TAF6: variants seen among roughly 807,000 people sequenced by gnomAD.
The protein encoded by TAF6 is transcription initiation factor TFIID subunit 6.
In TAF6, 50 loss-of-function variants were observed where a neutral mutation model predicts 73.5. The observed-to-expected ratio is 0.68, with a 90% CI of 0.54 to 0.86. TAF6 has a LOEUF of 0.86. Ranked by LOEUF, TAF6 falls within the 40% of genes least tolerant of loss-of-function variation. The pLI is 0.00. For missense variants in TAF6, 768 were observed against 899.5 expected (o/e 0.85, Z 1.87); for synonymous variants, 424 against 376.7 (o/e 1.13, Z -1.45).
At chr7:100,117,237 C>A (rs985005804) in intron 1 of TAF6, among the ~76,000 whole-genome samples, 1 of 151,186 alleles carries the variant, frequency 6.6e-6, no homozygotes, top group Non-Finnish European at 1.5e-5. Context: ...AGAGTGAGAC[C>A]CCGTCTCCGT....
At chr7:100,125,057 A>C in the TAF6 span, 1 of 671,454 alleles carries the variant, frequency 1.5e-6, no homozygotes, top group Non-Finnish European at 2.4e-6. Context: ...ACAGCATGAC[A>C]TGGCTTCTGG....
chr7:100,112,706 C>G (rs1415105750), intron 6 of TAF6, 92 bp downstream of exon 6: 2 of 1,480,508 alleles, frequency 1.4e-6, no homozygotes, highest in Non-Finnish European at 9.0e-7. Context: ...CAGAGTGAGA[C>G]TCTGTCTCAA....
chr7:100,109,873 A>G, intron 12 of TAF6, 75 bp downstream of exon 12: 2 of 1,578,672 alleles, frequency 1.3e-6, no homozygotes, highest in South Asian at 1.2e-5. Flanking sequence ...GAGTAAGTGA[A>G]TAAAATATGC....
rs4134902 is a variant in TAF6, at chr7:100,113,586, C to T, written c.397+30G>A. The T allele has an allele frequency of 4.6e-3, 7,331 of 1,610,614 alleles. 15 individuals are homozygous for T. Among genetic ancestry groups the T allele is most frequent in the Non-Finnish European group, 5.8e-3 (6,813 of 1,178,148 alleles). On this transcript the variant is annotated intron_variant, in intron 4 of 14. Coordinates refer to ENST00000453269, the MANE Select transcript of TAF6 (RefSeq NM_139315.3). The stretch of plus-strand genomic sequence containing the variant: ...ACACATCTGTCCTCCTTTCCCTCCT[C>T]CCTGCCACCCTGCTCTCCCCTCCCC...
upstream of TAF6, among the ~76,000 whole-genome samples, chr7:100,123,570 G>C (rs995608846): frequency 1.3e-5 from 2 of 151,840 alleles, no homozygotes; most frequent in Admixed American, 6.6e-5. Flanking sequence ...GCCCAGGCTG[G>C]AGTGCACCGG....
intron 10 of TAF6, 112 bp downstream of exon 10, chr7:100,111,026 AC>A: frequency 8.1e-7 from 1 of 1,231,158 alleles, no homozygotes; most frequent in Non-Finnish European, 1.1e-6. Context: ...AGACCCTTAG[AC>A]CCCCACAAGT....
At chr7:100,124,538 G>C, upstream of TAF6, 1 of 1,612,858 alleles carries the variant, frequency 6.2e-7, no homozygotes, top group Non-Finnish European at 8.5e-7. Flanking sequence ...GGAGGAGTTT[G>C]AAGACATTGT....
intron 1 of TAF6, chr7:100,116,775 C>T (rs1797710593): frequency 1.3e-5 from 2 of 152,250 alleles, no homozygotes; most frequent in Admixed American, 1.3e-4. Flanking sequence ...CACATACATT[C>T]CTTCTGGCTG....
At chr7:100,113,428 G>C (rs1432502939) in intron 4 of TAF6, 23 bp from the exon 5 acceptor site, 1 of 1,564,760 alleles carries the variant, frequency 6.4e-7, no homozygotes, top group African/African-American at 1.4e-5. Flanking sequence ...CAGGTGTCAA[G>C]GTGAATTGCC....
At position 100,108,168 on chromosome 7, in the gene TAF6, A is replaced by G. The variant is rs1384792500; in HGVS notation, c.1459-45T>C. 5.2e-6 allele frequency: 8 copies of G among 1,550,598 alleles called. No homozygotes were observed. The Admixed American group carries it at 1.4e-4, about 27-fold the overall frequency. The stretch of plus-strand genomic sequence containing the variant: ...GGGGGAAGTGGCACCATCTACTAAG[A>G]AGAGGAGTCTGAAGGGAGAGGCCTG... On this transcript the variant is annotated intron_variant, in intron 13 of 14. Transcript: ENST00000453269.
upstream of TAF6, chr7:100,124,807 GGAGGAAGAGGAGGAA>G: frequency 6.2e-7 from 1 of 1,609,878 alleles, no homozygotes; most frequent in Non-Finnish European, 8.5e-7. Flanking sequence ...AGGAGGAGGA[GGAGGAAGAGGAGGAA>G]GAGGAAGGGG....
Position 100,107,096 on chromosome 7 carries a change from T to G in TAF6, c.*150A>C. 7.6e-7 allele frequency: 1 copy of G among 1,312,540 alleles called. No homozygotes were observed. The highest frequency in any genetic ancestry group is 1.0e-6 in the Non-Finnish European group (1 of 972,904). 81.3% of individuals were successfully genotyped at this position (1,312,540 alleles called of 1,614,324 possible). On this transcript the variant is annotated 3_prime_UTR_variant, in exon 15 of 15. Transcript: ENST00000453269. ...CAGAACTTACAAACCAAACTTTTAT[T>G]CTGAGAAACTGGCTGTACAATATCT...
chr7:100,124,319 T>G, upstream of TAF6: 1 of 544,534 alleles, frequency 1.8e-6, no homozygotes, highest in Non-Finnish European at 3.3e-6. Context: ...GACTCAAGAG[T>G]TTAATAATCT....
At chr7:100,122,649 G>A (rs1398902072), upstream of TAF6, 3 of 1,515,928 alleles carry the variant, frequency 2.0e-6, no homozygotes, top group South Asian at 1.2e-5. Context: ...GCCCTCCAGA[G>A]GTTATCTGCC....
upstream of TAF6, chr7:100,119,858 C>G (rs143409974): frequency 1.9e-6 from 3 of 1,611,196 alleles, no homozygotes; most frequent in Non-Finnish European, 2.5e-6. Context: ...CCAGCAAATG[C>G]GAAGGTATTT....
At chr7:100,107,719 T>C (rs1796688014) in intron 14 of TAF6, 96 bp from the exon 15 acceptor site, 1 of 1,521,098 alleles carries the variant, frequency 6.6e-7, no homozygotes, top group Admixed American at 2.3e-5. Flanking sequence ...CCTGAACAAG[T>C]TGTTCCTGTA....
upstream of TAF6, chr7:100,119,884 T>C: frequency 1.3e-6 from 2 of 1,581,456 alleles, no homozygotes; most frequent in East Asian, 2.3e-5. Flanking sequence ...GGGTAGCCCC[T>C]ATAGGCATCG....
Position 100,113,728 on chromosome 7 carries a change from G to A in TAF6, c.285C>T (p.Arg95=). The change falls in exon 4 of 15, where the codon CGC becomes CGT. Residue 95 remains arginine (R), a synonymous_variant. Coordinates refer to ENST00000453269, the MANE Select transcript of TAF6 (RefSeq NM_139315.3). ...GCTCCCGGCCCCCACCAGAGGCGAA[G>A]CGGAAAGGAATGAACTCCTGGGCGT... ...GFHAQEFIPF[R]FASGGGRELY... The A allele has an allele frequency of 6.2e-7, 1 of 1,614,080 alleles. No homozygotes were observed. The highest frequency in any genetic ancestry group is 8.5e-7 in the Non-Finnish European group (1 of 1,180,010).
In TAF6 at chr7:100,109,991, T is replaced by G; in HGVS notation, c.1241A>C (p.Asn414Thr). 6.2e-7 allele frequency: 1 copy of G among 1,614,204 alleles called. No homozygotes were observed. Among genetic ancestry groups the G allele is most frequent in the Non-Finnish European group, 8.5e-7 (1 of 1,180,030 alleles). Residue 414 changes from asparagine (N) to threonine (T), a missense_variant, in exon 12 of 15, where the codon AAC becomes ACC. Physicochemically the swap from Asn to Thr is moderately conservative, Grantham distance 65. This residue lies in a region of TAF6 where 350 missense variants were observed against 352.3 expected (regional missense o/e 0.99). Coordinates refer to ENST00000453269, the MANE Select transcript of TAF6 (RefSeq NM_139315.3). ...ATGGTCTGCTCCAATCCGGTCAATG[T>G]TGCTCAGCACAGGGCCGTCCAGCAC... ...RSVLDGPVLS[N>T]IDRIGADHVQ...
Sources: gnomAD v4.1 joint callset for allele counts (sites outside exome capture counted in the v4.1 genomes callset) on GRCh38, gnomAD v4.1.1 for gene constraint, gnomAD v4.1.1 regional missense constraint, MANE v1.5 for transcripts, NCBI Gene and HGNC (gene_info 2026-07-23, HGNC 2026-07-21) for gene names.